ULK4: variants seen among roughly 807,000 people sequenced by gnomAD.
ULK4 encodes unc-51 like kinase 4, also known as inactive serine/threonine-protein kinase ULK4.
ULK4 carries 133 observed loss-of-function variants against 160.6 expected under a neutral mutation model. The ratio of observed to expected loss-of-function variants is 0.83; its 90% CI spans 0.72 to 0.96. The LOEUF (loss-of-function observed/expected upper bound fraction) is 0.96. ULK4 is among the 40% of genes least tolerant of loss of function. ULK4 has a pLI of 0.00. For synonymous variants in ULK4, 534 were observed against 539.8 expected (o/e 0.99, Z 0.15); for missense variants, 1,580 against 1,499.5 (o/e 1.05, Z -0.89).
intron 7 of ULK4, among the ~76,000 whole-genome samples, chr3:41,917,615 GATC>G (rs1295840634): frequency 3.3e-5 from 5 of 151,998 alleles, no homozygotes; most frequent in Non-Finnish European, 7.4e-5. Context: ...ATTGCTGATA[GATC>G]ATTATATTAA....
chr3:41,880,681 G>A (rs927435640), intron 17 of ULK4, among the ~76,000 whole-genome samples: 1 of 152,084 alleles, frequency 6.6e-6, no homozygotes, highest in African/African-American at 2.4e-5. Flanking sequence ...CCAATACTTT[G>A]GGGAAGCCAA....
intron 6 of ULK4, 118 bp from the exon 7 acceptor site, chr3:41,918,658 G>C: frequency 1.9e-6 from 1 of 523,994 alleles, no homozygotes; most frequent in South Asian, 2.7e-5. Flanking sequence ...CTGGAGTGCA[G>C]TGGCGCAATC....
intron 32 of ULK4, among the ~76,000 whole-genome samples, chr3:41,469,582 G>T (rs932181576): frequency 5.7e-5 from 4 of 69,746 alleles, no homozygotes; most frequent in African/African-American, 2.4e-4. Context: ...CTAAATGAAA[G>T]AGTGAAGGCC....
chr3:41,597,339 T>C (rs2031761129), intron 31 of ULK4, among the ~76,000 whole-genome samples: 2 of 152,152 alleles, frequency 1.3e-5, no homozygotes, highest in Non-Finnish European at 2.9e-5. Context: ...GGGAGATACA[T>C]TGGTGGCTTT....
intron 31 of ULK4, among the ~76,000 whole-genome samples, chr3:41,603,517 AC>A (rs988910123): frequency 3.9e-5 from 6 of 152,196 alleles, no homozygotes; most frequent in African/African-American, 1.2e-4. Flanking sequence ...TTTATACTAT[AC>A]CCCAATGAAT....
intron 32 of ULK4, among the ~76,000 whole-genome samples, chr3:41,499,369 G>A (rs144904266): frequency 6.8e-4 from 104 of 152,236 alleles, no homozygotes; most frequent in African/African-American, 2.3e-3. Context: ...TGACTATATT[G>A]AACAGAAAAG....
At chr3:41,417,944 CAGG>C (rs2082566428) in intron 34 of ULK4, among the ~76,000 whole-genome samples, 1 of 152,086 alleles carries the variant, frequency 6.6e-6, no homozygotes, top group African/African-American at 2.4e-5. Flanking sequence ...TTTTCAAAAG[CAGG>C]AGATGAAATT....
chr3:41,879,648 C>T (rs1296670770), intron 17 of ULK4, among the ~76,000 whole-genome samples: 1 of 152,068 alleles, frequency 6.6e-6, no homozygotes, highest in Non-Finnish European at 1.5e-5. Flanking sequence ...CCACACCAAA[C>T]TCTATTTTTT....
chr3:41,459,266 T>C (rs781683933), intron 33 of ULK4, among the ~76,000 whole-genome samples: 5 of 152,154 alleles, frequency 3.3e-5, no homozygotes, highest in Non-Finnish European at 7.3e-5. Context: ...GATTTCACCA[T>C]GTTGGCCAGG....
At chr3:41,262,673 T>A (rs780546108) in intron 35 of ULK4, among the ~76,000 whole-genome samples, 5 of 152,186 alleles carry the variant, frequency 3.3e-5, no homozygotes, top group Non-Finnish European at 7.3e-5. Context: ...AAGACATGAT[T>A]ATTTTCTAAG....
At chr3:41,935,703 T>A (rs1467147613) in intron 4 of ULK4, 98 bp downstream of exon 4, 3 of 1,391,758 alleles carry the variant, frequency 2.2e-6, no homozygotes, top group Non-Finnish European at 2.9e-6. Context: ...TTCAAGATAT[T>A]CTATACCAAA....
At chr3:41,766,118 A>T (rs1046458030) in intron 21 of ULK4, among the ~76,000 whole-genome samples, 3 of 151,748 alleles carry the variant, frequency 2.0e-5, no homozygotes, top group African/African-American at 7.3e-5. Flanking sequence ...AAAATACAAA[A>T]ATCAGCCAGG....
At chr3:41,433,077 A>G (rs1429082415) in intron 34 of ULK4, among the ~76,000 whole-genome samples, 1 of 152,190 alleles carries the variant, frequency 6.6e-6, no homozygotes, top group East Asian at 1.9e-4. Context: ...GGAGAAACTA[A>G]AAAAGTCTAT....
At chr3:41,750,718 G>T (rs1251639567) in intron 22 of ULK4, among the ~76,000 whole-genome samples, 1 of 151,978 alleles carries the variant, frequency 6.6e-6, no homozygotes, top group South Asian at 2.1e-4. Context: ...TGGTCTGGCC[G>T]GGTGTGGTGG....
intron 30 of ULK4, among the ~76,000 whole-genome samples, chr3:41,646,094 A>G (rs370304620): frequency 6.1e-4 from 93 of 152,292 alleles, no homozygotes; most frequent in African/African-American, 1.9e-3. Context: ...GTCTCTGCAC[A>G]TGAGATGGGT....
chr3:41,320,711 G>A (rs2080229357), intron 35 of ULK4, among the ~76,000 whole-genome samples: 1 of 120,714 alleles, frequency 8.3e-6, no homozygotes, highest in South Asian at 2.4e-4. Context: ...GAGGTCAGGA[G>A]TTCCAGATCA....
chr3:41,287,699 C>T (rs1193846054), intron 35 of ULK4, among the ~76,000 whole-genome samples: 5 of 152,154 alleles, frequency 3.3e-5, no homozygotes, highest in African/African-American at 1.2e-4. Context: ...TTGGGTCTCA[C>T]GGAAGCTGAG....
chr3:41,318,568 T>C (rs767066147), intron 35 of ULK4, among the ~76,000 whole-genome samples: 4 of 152,226 alleles, frequency 2.6e-5, no homozygotes, highest in Non-Finnish European at 5.9e-5. Context: ...TCTGCTATTA[T>C]CCTAAGATAT....
intron 32 of ULK4, among the ~76,000 whole-genome samples, chr3:41,549,999 G>C (rs1363470076): frequency 2.6e-5 from 4 of 151,962 alleles, no homozygotes; most frequent in African/African-American, 7.2e-5. Flanking sequence ...AAAATCTTTA[G>C]CAGACAAACA....
Sources: allele counts gnomAD v4.1 joint callset (sites outside exome capture counted in the v4.1 genomes callset), GRCh38; gene constraint gnomAD v4.1.1; transcripts MANE v1.5; gene names NCBI Gene and HGNC (gene_info 2026-07-23, HGNC 2026-07-21).